Variants in DNAAF9 observed in about 807,000 individuals in gnomAD.
DNAAF9 encodes the protein dynein axonemal assembly factor 9.
A neutral mutation model predicts 167.0 loss-of-function variants in DNAAF9; 90 were observed. That is an observed-to-expected ratio of 0.54 (90% CI 0.45 to 0.64). The LOEUF (loss-of-function observed/expected upper bound fraction) is 0.64, where lower values mean the gene tolerates loss of function less well. DNAAF9 is among the 30% of genes least tolerant of loss of function. DNAAF9 has a pLI of 0.00. For synonymous variants in DNAAF9, 491 were observed against 508.8 expected (o/e 0.96, Z 0.47); for missense variants, 1,315 against 1,442.2 (o/e 0.91, Z 1.43).
At chr20:3,375,008 A>G in intron 5 of DNAAF9, 22 bp downstream of exon 5, 1 of 1,331,552 alleles carries the variant, frequency 7.5e-7, no homozygotes, top group Non-Finnish European at 1.1e-6. Context: ...AGGTTCTAGA[A>G]GGCTTGCTGT....
intron 30 of DNAAF9, among the ~76,000 whole-genome samples, chr20:3,269,208 C>CT (rs758519001): frequency 0.011 from 1,553 of 137,880 alleles, 21 homozygotes; most frequent in African/African-American, 0.034. Flanking sequence ...CACCCGGCCA[C>CT]TTTTTTTTTT....
At chr20:3,359,357 C>T (rs954651918) in intron 7 of DNAAF9, among the ~76,000 whole-genome samples, 159 bp downstream of exon 7, 5 of 152,168 alleles carry the variant, frequency 3.3e-5, no homozygotes, top group Non-Finnish European at 7.4e-5. Context: ...TCCTTTATAC[C>T]CCCAAGGAAT....
At chr20:3,405,419 A>C (rs896768417) in intron 1 of DNAAF9, among the ~76,000 whole-genome samples, 1 of 152,206 alleles carries the variant, frequency 6.6e-6, no homozygotes, top group Non-Finnish European at 1.5e-5. Context: ...AGTAACATTC[A>C]ATGTCAAGAG....
At chr20:3,367,939 A>C (rs951615169) in intron 6 of DNAAF9, among the ~76,000 whole-genome samples, 1 of 151,892 alleles carries the variant, frequency 6.6e-6, no homozygotes, top group East Asian at 1.9e-4. Flanking sequence ...CAATATCTAC[A>C]AAGTGCAGCA....
In DNAAF9 at chr20:3,250,175, A is replaced by G. The variant is rs2068175684; in HGVS notation, c.*2397T>C. 6.6e-6 allele frequency: 1 copy of G among 152,238 alleles called. No homozygotes were observed. 9.4% of individuals were successfully genotyped at this position (152,238 alleles called of 1,614,324 possible). On this transcript the variant is annotated 3_prime_UTR_variant, in exon 37 of 37. Coordinates refer to ENST00000252032, the MANE Select transcript of DNAAF9 (RefSeq NM_001009984.3). ...GGTCCCTGGATCCACTTCTAAGGTCAAAAGCAGTGTCATGGCCATTCCTTT... is the reference window on the plus strand; with the variant it reads ...GGTCCCTGGATCCACTTCTAAGGTCGAAAGCAGTGTCATGGCCATTCCTTT...
At chr20:3,399,704 G>C (rs2083957825) in intron 1 of DNAAF9, among the ~76,000 whole-genome samples, 1 of 152,104 alleles carries the variant, frequency 6.6e-6, no homozygotes, top group Non-Finnish European at 1.5e-5. Context: ...CATGATGGCT[G>C]GAGTTCCTAC....
At chr20:3,389,926 C>T (rs1424315579) in intron 1 of DNAAF9, among the ~76,000 whole-genome samples, 2 of 151,990 alleles carry the variant, frequency 1.3e-5, no homozygotes, top group Non-Finnish European at 2.9e-5. Flanking sequence ...ATCCCAGCTA[C>T]CCAGGAGGGT....
intron 3 of DNAAF9, among the ~76,000 whole-genome samples, chr20:3,377,500 C>A (rs1208674684): frequency 6.6e-6 from 1 of 150,504 alleles, no homozygotes; most frequent in Non-Finnish European, 1.5e-5. Context: ...TTCACTCTGT[C>A]ACCCAGGCTG....
chr20:3,334,275 C>T (rs1407364557), intron 10 of DNAAF9, among the ~76,000 whole-genome samples: 2 of 152,216 alleles, frequency 1.3e-5, no homozygotes, highest in African/African-American at 4.8e-5. Context: ...ACTGGGGTGT[C>T]TCACGGTCAT....
intron 29 of DNAAF9, among the ~76,000 whole-genome samples, chr20:3,271,566 G>A (rs1040793788): frequency 6.0e-5 from 9 of 151,204 alleles, no homozygotes; most frequent in African/African-American, 9.7e-5. Flanking sequence ...TAATCATAGC[G>A]CATATATAAG....
At chr20:3,274,230 T>G (rs1235318663) in intron 29 of DNAAF9, among the ~76,000 whole-genome samples, 1 of 151,324 alleles carries the variant, frequency 6.6e-6, no homozygotes, top group African/African-American at 2.4e-5. Context: ...GCAACCTCCA[T>G]GTCCCGGGTT....
At chr20:3,320,053 A>G (rs1489425997) in intron 16 of DNAAF9, among the ~76,000 whole-genome samples, 1 of 152,154 alleles carries the variant, frequency 6.6e-6, no homozygotes, top group Non-Finnish European at 1.5e-5. Context: ...GGAAGGGAAG[A>G]GAGGATATTA....
intron 3 of DNAAF9, among the ~76,000 whole-genome samples, chr20:3,377,051 A>G (rs1443700394): frequency 6.6e-6 from 1 of 152,104 alleles, no homozygotes; most frequent in Non-Finnish European, 1.5e-5. Flanking sequence ...ACTGGGCGAC[A>G]GAGTGAGACT....
chr20:3,306,289 G>A lies in DNAAF9; in HGVS notation c.1679-1746C>T, dbSNP rs59958918. On this transcript the variant is annotated intron_variant, in intron 20 of 36. Transcript: ENST00000252032. ...ACACCCCATCCTCTGATGTCACTGA[G>A]CCTTCACAGTCATTGGTATTCGCAT... is the stretch of plus-strand genomic sequence containing the variant. Among the ~76,000 whole-genome samples the A allele has an allele frequency of 9.0e-3, 1,366 of 152,170 alleles. 19 individuals carry two copies. The highest frequency in any genetic ancestry group is 0.032 in the African/African-American group (1,312 of 41,498).
At chr20:3,263,256 G>C (rs2068427000) in intron 31 of DNAAF9, among the ~76,000 whole-genome samples, 1 of 152,180 alleles carries the variant, frequency 6.6e-6, no homozygotes, top group Non-Finnish European at 1.5e-5. Context: ...TTACAGGCGT[G>C]AGCCACCAAG....
chr20:3,371,764 G>T (rs1214664641), intron 6 of DNAAF9, among the ~76,000 whole-genome samples: 1 of 151,982 alleles, frequency 6.6e-6, no homozygotes, highest in Non-Finnish European at 1.5e-5. Flanking sequence ...AGATCTATTT[G>T]TCCATAAACA....
intron 7 of DNAAF9, among the ~76,000 whole-genome samples, chr20:3,349,205 A>AC (rs1047949610): frequency 1.7e-5 from 1 of 59,190 alleles, no homozygotes; most frequent in Non-Finnish European, 3.3e-5. Flanking sequence ...AAAAAAAAAC[A>AC]AAAAAAAAAA....
At chr20:3,367,034 C>T (rs1331744724) in intron 6 of DNAAF9, among the ~76,000 whole-genome samples, 5 of 152,204 alleles carry the variant, frequency 3.3e-5, no homozygotes, top group Admixed American at 3.3e-4. Context: ...TGTTGTTTAG[C>T]GTAGCTACCT....
intron 6 of DNAAF9, among the ~76,000 whole-genome samples, chr20:3,369,224 T>A (rs943249036): frequency 6.6e-6 from 1 of 152,068 alleles, no homozygotes; most frequent in Admixed American, 6.6e-5. Context: ...CATACTTAAG[T>A]GATTTAATTT....
Sources: allele counts gnomAD v4.1 joint callset (sites outside exome capture counted in the v4.1 genomes callset), GRCh38; gene constraint gnomAD v4.1.1; transcripts MANE v1.5; gene names NCBI Gene and HGNC (gene_info 2026-07-23, HGNC 2026-07-21).